Variants in MEGF8 observed in about 807,000 individuals in gnomAD.
MEGF8 encodes the protein multiple epidermal growth factor-like domains protein 8.
In MEGF8, 156 loss-of-function variants were observed where a neutral mutation model predicts 302.9. The observed-to-expected ratio is 0.52, with a 90% CI of 0.45 to 0.59. The LOEUF (loss-of-function observed/expected upper bound fraction) is 0.59. Ranked by LOEUF, MEGF8 falls within the 20% of genes least tolerant of loss-of-function variation. The probability of loss-of-function intolerance (pLI) is 0.00; values close to 1 mark genes in which losing one functional copy is unlikely to be tolerated. For synonymous variants in MEGF8, 1,621 were observed against 1,660.5 expected, an observed-to-expected ratio of 0.98 and a Z score of 0.58; for missense variants, 3,345 against 3,964.5, an observed-to-expected ratio of 0.84 and a Z score of 4.20.
Position 42,369,493 on chromosome 19 carries a change from G to C in MEGF8, c.6642-38G>C. On this transcript the variant is annotated intron_variant, in intron 37 of 41. Coordinates refer to ENST00000251268, the MANE Select transcript of MEGF8 (RefSeq NM_001271938.2). The surrounding 1 kb of genome is among the most constrained non-coding windows in gnomAD (Gnocchi z 5.7). ...TGCTAGGCCATGAAGCCACGAGGAGGGTGGCCACCTGCCCTGACCCCCACT... is the reference window on the plus strand; with the variant it reads ...TGCTAGGCCATGAAGCCACGAGGAGCGTGGCCACCTGCCCTGACCCCCACT... 1.3e-6 allele frequency: 2 copies of C among 1,580,874 alleles called. No homozygotes were observed. The highest frequency in any genetic ancestry group is 1.7e-6 in the Non-Finnish European group (2 of 1,165,980).
At chr19:42,335,429 CA>C in intron 5 of MEGF8, 44 bp downstream of exon 5, 1 of 1,590,472 alleles carries the variant, frequency 6.3e-7, no homozygotes, top group South Asian at 1.1e-5. Flanking sequence ...TCCACTCAAT[CA>C]GACCCAGCCG....
Position 42,369,705 on chromosome 19 carries a change from C to T in MEGF8, c.6816C>T (p.Leu2272=). ...TTGGGGCGCGTGACCACTGCTTGCTCTGCCGCAACCACACCAAGGTGGGCC... is the reference window on the plus strand; with the variant it reads ...TTGGGGCGCGTGACCACTGCTTGCTTTGCCGCAACCACACCAAGGTGGGCC... ...AGVGARDHCL[L]CRNHTKGSHC... is the part of the protein sequence containing the mutation. Residue 2272 remains leucine (L), a synonymous_variant, in exon 38 of 42, where the codon CTC becomes CTT. Transcript: ENST00000251268. The surrounding 1 kb of genome is among the most constrained non-coding windows in gnomAD (Gnocchi z 5.7). The T allele has an allele frequency of 6.2e-7, 1 of 1,608,740 alleles. No homozygotes were observed. The highest frequency in any genetic ancestry group is 8.5e-7 in the Non-Finnish European group (1 of 1,178,420).
chr19:42,366,480 T>A (rs2147503223), intron 35 of MEGF8, among the ~76,000 whole-genome samples: 1 of 152,340 alleles, frequency 6.6e-6, no homozygotes, highest in Non-Finnish European at 1.5e-5. Flanking sequence ...ATTACAGGCA[T>A]GAGCCACCAC....
intron 35 of MEGF8, among the ~76,000 whole-genome samples, chr19:42,364,673 C>T (rs1013570167): frequency 2.0e-5 from 3 of 152,186 alleles, no homozygotes; most frequent in Non-Finnish European, 4.4e-5. Flanking sequence ...AGGTAGTTTG[C>T]CTTGCGATCA....
At chr19:42,338,443 T>C (rs538075749) in intron 8 of MEGF8, among the ~76,000 whole-genome samples, 2 of 152,306 alleles carry the variant, frequency 1.3e-5, no homozygotes, top group East Asian at 3.9e-4. Context: ...GGTTTTGCCA[T>C]GTTGGCAAGG....
Position 42,344,732 on chromosome 19 carries a change from G to A in MEGF8, c.1996G>A (p.Val666Ile). The change falls in exon 12 of 42, where the codon GTC becomes ATC. Residue 666 changes from valine (V) to isoleucine (I), a missense_variant. By Grantham distance (29) the Val-to-Ile change is conservative (BLOSUM62 3). Coordinates refer to ENST00000251268, the MANE Select transcript of MEGF8 (RefSeq NM_001271938.2). This position sits in a 1 kb window ranked among gnomAD's most constrained non-coding sequence, Gnocchi z 4.5. ...GTVGWWGPAP[V>I]FVTSLEACVT... ...TGTGGGCTGGTGGGGGCCTGCGCCT[G>A]TCTTCGTCACGTCCCTGGAGGCCTG... 1 of 1,611,882 alleles carries A rather than the reference G, an allele frequency of 6.2e-7. No homozygotes were observed. Among genetic ancestry groups the A allele is most frequent in the South Asian group, 1.1e-5 (1 of 90,832 alleles).
Position 42,352,550 on chromosome 19 carries a change from T to A in MEGF8, c.3350+94T>A. On this transcript the variant is annotated intron_variant, in intron 19 of 41. Transcript: ENST00000251268. The surrounding 1 kb of genome is among the most constrained non-coding windows in gnomAD (Gnocchi z 4.4). The stretch of plus-strand genomic sequence containing the variant: ...GCCATCATGGCGCTGGGTCCCCTCC[T>A]GTGGAACCAGCATCCCCAGTTAGCC... The A allele has an allele frequency of 7.0e-7, 1 of 1,428,920 alleles. No homozygotes were observed. The highest frequency in any genetic ancestry group is 9.4e-7 in the Non-Finnish European group (1 of 1,069,002). The allele number at this position is 1,428,920 out of a possible 1,614,324, so 88.5% of individuals were successfully genotyped here.
chr19:42,352,090 C>T lies in MEGF8; in HGVS notation c.3102-118C>T. On this transcript the variant is annotated intron_variant, in intron 18 of 41. Coordinates refer to ENST00000251268, the MANE Select transcript of MEGF8 (RefSeq NM_001271938.2). The surrounding 1 kb of genome is among the most constrained non-coding windows in gnomAD (Gnocchi z 4.4). Reference sequence around the variant, plus strand: ...TCTCCTGGTTTCTCTGTCTCTCTTTCCAAATTTGTATTTGCATCCCTCTCC... The same window carrying T: ...TCTCCTGGTTTCTCTGTCTCTCTTTTCAAATTTGTATTTGCATCCCTCTCC... 7.6e-7 allele frequency: 1 copy of T among 1,319,842 alleles called. No homozygotes were observed. The highest frequency in any genetic ancestry group is 3.0e-5 in the Admixed American group (1 of 33,842). 81.8% of individuals were successfully genotyped at this position (1,319,842 alleles called of 1,614,324 possible).
rs767539999 is a variant in MEGF8 at position 42,352,450 on chromosome 19, A to T, written c.3344A>T (p.Asn1115Ile). Residue 1115 changes from asparagine to isoleucine, a missense_variant, in exon 19 of 42, where the codon AAC becomes ATC. By Grantham distance (149) the Asn-to-Ile change is moderately radical. Transcript: ENST00000251268. The surrounding 1 kb of genome is among the most constrained non-coding windows in gnomAD (Gnocchi z 4.4). Reference sequence around the variant, plus strand: ...CAGGGTGATGGCATCTCACACTGCAACCGCACGTGAGTGAGGCGGGGGTTG... The same window carrying T: ...CAGGGTGATGGCATCTCACACTGCATCCGCACGTGAGTGAGGCGGGGGTTG... ...GYQGDGISHC[N>I]RTCLEDCGHG... 4 of 1,592,438 alleles carry T rather than the reference A, an allele frequency of 2.5e-6. No individual in the cohort carries two copies. The highest frequency in any genetic ancestry group is 3.4e-6 in the Non-Finnish European group (4 of 1,167,818).
Position 42,358,708 on chromosome 19 carries a change from C to T in MEGF8, c.5176-79C>T, listed in dbSNP as rs750339344. ...CTGGTGGTTTCAGTCCACACGTTTC[C>T]AAGCCCGTCTTGGAGGCAGGGGGCT... On this transcript the variant is annotated intron_variant, in intron 29 of 41. Transcript: ENST00000251268. This position sits in a 1 kb window ranked among gnomAD's most constrained non-coding sequence, Gnocchi z 4.4. 16 of 1,446,038 alleles carry T rather than the reference C, an allele frequency of 1.1e-5. No homozygotes were observed. Among genetic ancestry groups the T allele is most frequent in the South Asian group, 1.5e-5 (1 of 67,490 alleles). 89.6% of individuals were successfully genotyped at this position (1,446,038 alleles called of 1,614,324 possible).
chr19:42,340,903 A>G (rs530459428), intron 8 of MEGF8, among the ~76,000 whole-genome samples: 1 of 145,598 alleles, frequency 6.9e-6, no homozygotes, highest in South Asian at 2.2e-4. Flanking sequence ...CCTGACCTTA[A>G]GTAATCTGCC....
chr19:42,361,533 T>C (rs1444445348), intron 32 of MEGF8, among the ~76,000 whole-genome samples: 1 of 152,174 alleles, frequency 6.6e-6, no homozygotes, highest in East Asian at 1.9e-4. Flanking sequence ...AATGGTTTGA[T>C]TTCGGAGTGC....
chr19:42,333,269 G>A (rs1445691330), intron 1 of MEGF8, among the ~76,000 whole-genome samples: 1 of 152,228 alleles, frequency 6.6e-6, no homozygotes, highest in Non-Finnish European at 1.5e-5. Flanking sequence ...AGGAACACTG[G>A]ATTCTGCTCT....
At position 42,376,686 on chromosome 19, in the gene MEGF8, G is replaced by T; in HGVS notation, c.8449G>T (p.Gly2817Cys). 6.6e-7 allele frequency: 1 copy of T among 1,517,712 alleles called. No homozygotes were observed. The allele number at this position is 1,517,712 out of a possible 1,614,324, so 94.0% of individuals were successfully genotyped here. ...RHRLHEYCGG[G>C]GGAGGSGHGT... is the part of the protein sequence containing the mutation. ...CAGGCTGCACGAGTACTGTGGGGGT[G>T]GTGGGGGTGCTGGGGGCAGTGGGCA... The change falls in exon 42 of 42, where the codon GGT becomes TGT. Residue 2817 changes from glycine (G) to cysteine (C), a missense_variant. Gly to Cys is a radical substitution (Grantham distance 159). Transcript: ENST00000251268. This position sits in a 1 kb window ranked among gnomAD's most constrained non-coding sequence, Gnocchi z 8.2.
chr19:42,352,114 C>T lies in MEGF8; in HGVS notation c.3102-94C>T, dbSNP rs919995059. 4 of 1,397,768 alleles carry T rather than the reference C, an allele frequency of 2.9e-6. No individual in the cohort carries two copies. The highest frequency in any genetic ancestry group is 1.5e-5 in the South Asian group (1 of 65,150). 86.6% of individuals were successfully genotyped at this position (1,397,768 alleles called of 1,614,324 possible). A position where few individuals can be genotyped will look rare whatever the true frequency, so the allele number is the denominator to read the frequency against. ...TCCAAATTTGTATTTGCATCCCTCTCCTTCCAATTGGCCTCCTCTCTCCCT... is the reference window on the plus strand; with the variant it reads ...TCCAAATTTGTATTTGCATCCCTCTTCTTCCAATTGGCCTCCTCTCTCCCT... On this transcript the variant is annotated intron_variant, in intron 18 of 41. Transcript: ENST00000251268. This position sits in a 1 kb window ranked among gnomAD's most constrained non-coding sequence, Gnocchi z 4.4.
In MEGF8 at chr19:42,368,532, CT is replaced by C; in HGVS notation, c.6352del (p.Ser2118ProfsTer45). On this transcript the variant is annotated frameshift_variant, in exon 36 of 42. Transcript: ENST00000251268. LOFTEE classifies it high-confidence loss of function. The surrounding 1 kb of genome is among the most constrained non-coding windows in gnomAD (Gnocchi z 4.9). The stretch of plus-strand genomic sequence containing the variant: ...GGCTGCTCCGGGGACCTGAGAGCTG[CT>C]CCCTGGGCTGTGCTCAGGCAACTCA... Reference protein sequence around the residue: ...GRLLRGPESCSLGCAQATQCA... With the variant: ...GRLLRGPESCXLGCAQATQCA... The C allele has an allele frequency of 6.2e-7, 1 of 1,605,862 alleles. No homozygotes were observed. The highest frequency in any genetic ancestry group is 8.5e-7 in the Non-Finnish European group (1 of 1,176,918).
Position 42,354,123 on chromosome 19 carries a change from T to G in MEGF8, c.4011+99T>G. Reference sequence around the variant, plus strand: ...ACCCTGACCCTAGTATTGCTGTTTTTTTTTTTTTGTTTTTTTAATCCTTCA... The same window carrying G: ...ACCCTGACCCTAGTATTGCTGTTTTGTTTTTTTTGTTTTTTTAATCCTTCA... On this transcript the variant is annotated intron_variant, in intron 22 of 41. Transcript: ENST00000251268. This position sits in a 1 kb window ranked among gnomAD's most constrained non-coding sequence, Gnocchi z 4.3. 3 of 1,388,170 alleles carry G rather than the reference T, an allele frequency of 2.2e-6. No homozygotes were observed. The highest frequency in any genetic ancestry group is 1.5e-5 in the South Asian group (1 of 66,202). The allele number at this position is 1,388,170 out of a possible 1,614,324, so 86.0% of individuals were successfully genotyped here. A position where few individuals can be genotyped will look rare whatever the true frequency, so the allele number is the denominator to read the frequency against.
chr19:42,328,024 G>A (rs1369685645), intron 1 of MEGF8, among the ~76,000 whole-genome samples: 2 of 152,190 alleles, frequency 1.3e-5, no homozygotes, highest in Non-Finnish European at 2.9e-5. Context: ...GAACCTGGAG[G>A]TTGCAGTGAG....
chr19:42,339,745 C>T (rs914751609), intron 8 of MEGF8, among the ~76,000 whole-genome samples: 8 of 152,164 alleles, frequency 5.3e-5, no homozygotes, highest in Admixed American at 3.9e-4. Context: ...TGGCTATCCC[C>T]AAACAACAAT....
Sources: gnomAD v4.1 joint callset for allele counts (sites outside exome capture counted in the v4.1 genomes callset) on GRCh38, gnomAD v4.1.1 for gene constraint, Gnocchi (gnomAD v3.1) non-coding constraint, MANE v1.5 for transcripts, NCBI Gene and HGNC (gene_info 2026-07-23, HGNC 2026-07-21) for gene names.